SNTG1: variants seen among roughly 807,000 people sequenced by gnomAD.
SNTG1 encodes the protein gamma-1-syntrophin.
SNTG1 carries 39 observed loss-of-function variants against 74.7 expected under a neutral mutation model. That is an observed-to-expected ratio of 0.52 (90% CI 0.40 to 0.68). The LOEUF (loss-of-function observed/expected upper bound fraction) is 0.68, where lower values mean the gene tolerates loss of function less well. SNTG1 is among the 30% of genes least tolerant of loss of function. The pLI is 0.00. For synonymous variants in SNTG1, 254 were observed against 217.1 expected, an observed-to-expected ratio of 1.17 and a Z score of -1.49; for missense variants, 685 against 609.5, an observed-to-expected ratio of 1.12 and a Z score of -1.30.
intron 2 of SNTG1, among the ~76,000 whole-genome samples, chr8:50,211,798 A>C (rs2084534646): frequency 6.6e-6 from 1 of 152,156 alleles, no homozygotes; most frequent in African/African-American, 2.4e-5. Context: ...GAAGGTTTAC[A>C]TTTGACAGTA....
chr8:50,175,216 G>A (rs1464136470), intron 2 of SNTG1, among the ~76,000 whole-genome samples: 2 of 151,984 alleles, frequency 1.3e-5, no homozygotes, highest in African/African-American at 4.8e-5. Context: ...ATAGTCCTTT[G>A]GGTATATACC....
chr8:50,728,498 C>G (rs1161225444), intron 17 of SNTG1, among the ~76,000 whole-genome samples: 1 of 152,128 alleles, frequency 6.6e-6, no homozygotes, highest in Non-Finnish European at 1.5e-5. Flanking sequence ...ATTAATGCCT[C>G]TTTGGGGTGA....
chr8:50,477,224 G>C (rs963549844), intron 8 of SNTG1, among the ~76,000 whole-genome samples: 1 of 152,058 alleles, frequency 6.6e-6, no homozygotes, highest in Non-Finnish European at 1.5e-5. Flanking sequence ...AGTATGAAAA[G>C]GAGGGGTGGG....
rs763524919 is a variant in SNTG1, at chr8:50,553,056, T to C, written c.687T>C (p.Asn229=). 4 of 1,613,720 alleles carry C rather than the reference T, an allele frequency of 2.5e-6. No individual in the cohort carries two copies. The East Asian group carries it at 6.7e-5, about 27-fold the overall frequency. ...YVPGTDLSRQ[N]AFQVIAVDGV... ...TTGTTCTGAACATCTGCAGGCAGAA[T>C]GCCTTTCAAGTCATTGCTGTGGATG... Residue 229 remains asparagine, a synonymous_variant, in exon 12 of 19, where the codon AAT becomes AAC. Transcript: ENST00000642720.
intron 1 of SNTG1, among the ~76,000 whole-genome samples, chr8:50,129,995 A>T (rs1168992806): frequency 6.6e-6 from 1 of 152,130 alleles, no homozygotes; most frequent in East Asian, 1.9e-4. Flanking sequence ...TTAAGGACAT[A>T]AAATTCAAGT....
intron 1 of SNTG1, among the ~76,000 whole-genome samples, chr8:49,993,244 G>A (rs145051556): frequency 6.6e-5 from 10 of 152,052 alleles, no homozygotes; most frequent in Admixed American, 2.0e-4. Context: ...GGGCCAAAGC[G>A]GGAGGGGGGC....
chr8:50,725,841 A>G (rs1276371402), intron 17 of SNTG1, among the ~76,000 whole-genome samples: 2 of 152,180 alleles, frequency 1.3e-5, no homozygotes, highest in Non-Finnish European at 2.9e-5. Flanking sequence ...GTTTGATATA[A>G]ATTTTGACCA....
intron 12 of SNTG1, among the ~76,000 whole-genome samples, chr8:50,566,684 T>A (rs972694225): frequency 1.5e-4 from 23 of 151,406 alleles, no homozygotes; most frequent in African/African-American, 5.6e-4. Context: ...CTCCATTGTT[T>A]AATCAATCAA....
chr8:50,627,675 T>G lies in SNTG1; in HGVS notation c.850-29234T>G, dbSNP rs183392849. On this transcript the variant is annotated intron_variant, in intron 13 of 18. Transcript: ENST00000642720. ...GGTTTGATTAATTTGCTAGAGCAGC[T>G]CCCAGAATGCAGGAAACATTTTACT... 2.8e-3 allele frequency among the ~76,000 whole-genome samples: 427 copies of G among 152,256 alleles called. 3 individuals are homozygous for G. The highest frequency in any genetic ancestry group is 9.2e-3 in the African/African-American group (382 of 41,554).
chr8:49,988,519 T>C (rs1813384866), intron 1 of SNTG1, among the ~76,000 whole-genome samples: 1 of 152,046 alleles, frequency 6.6e-6, no homozygotes, highest in Non-Finnish European at 1.5e-5. Flanking sequence ...CAATCAATAA[T>C]TGAAATGAAA....
chr8:50,094,653 G>C (rs2079861632), intron 1 of SNTG1, among the ~76,000 whole-genome samples: 1 of 152,088 alleles, frequency 6.6e-6, no homozygotes, highest in Admixed American at 6.6e-5. Flanking sequence ...CACCAAATCA[G>C]AATGGCTATG....
chr8:50,120,220 C>G (rs932380684), intron 1 of SNTG1, among the ~76,000 whole-genome samples: 2 of 140,896 alleles, frequency 1.4e-5, no homozygotes. Context: ...TGAATAATGC[C>G]TGACCCTTAG....
chr8:50,143,813 G>A (rs914590806), intron 1 of SNTG1, among the ~76,000 whole-genome samples: 3 of 152,192 alleles, frequency 2.0e-5, no homozygotes, highest in African/African-American at 7.2e-5. Context: ...ATAATGGGGA[G>A]TAACATATTA....
intron 2 of SNTG1, among the ~76,000 whole-genome samples, chr8:50,390,532 G>A (rs1420827859): frequency 1.3e-5 from 2 of 152,152 alleles, no homozygotes; most frequent in Non-Finnish European, 2.9e-5. Flanking sequence ...TTTTGGCTTA[G>A]GATTGACTTG....
At chr8:50,053,238 T>C (rs1364987090) in intron 1 of SNTG1, among the ~76,000 whole-genome samples, 1 of 152,136 alleles carries the variant, frequency 6.6e-6, no homozygotes. Flanking sequence ...AAGGGAATAG[T>C]CTTTGTCAAT....
At chr8:50,265,360 A>T (rs1044708436) in intron 2 of SNTG1, among the ~76,000 whole-genome samples, 17 of 152,106 alleles carry the variant, frequency 1.1e-4, no homozygotes, top group African/African-American at 4.1e-4. Context: ...TATTATTGGA[A>T]TAACTGGAAA....
At chr8:50,442,623 C>T (rs377315288) in intron 5 of SNTG1, among the ~76,000 whole-genome samples, 12 of 145,468 alleles carry the variant, frequency 8.2e-5, no homozygotes, top group African/African-American at 3.1e-4. Flanking sequence ...GTTAAAACAT[C>T]TCTCAGAAAT....
intron 15 of SNTG1, among the ~76,000 whole-genome samples, chr8:50,670,106 G>A (rs2095272463): frequency 6.6e-6 from 1 of 152,124 alleles, no homozygotes; most frequent in Non-Finnish European, 1.5e-5. Flanking sequence ...GCAAAAACTG[G>A]AAGCATTCCC....
chr8:49,948,994 G>C (rs578006303), intron 1 of SNTG1, among the ~76,000 whole-genome samples: 1 of 152,298 alleles, frequency 6.6e-6, no homozygotes, highest in African/African-American at 2.4e-5. Flanking sequence ...CCACAGGAGA[G>C]GTGCACCGAT....
Sources: gnomAD v4.1 joint callset for allele counts (sites outside exome capture counted in the v4.1 genomes callset) on GRCh38, gnomAD v4.1.1 for gene constraint, MANE v1.5 for transcripts, NCBI Gene and HGNC (gene_info 2026-07-23, HGNC 2026-07-21) for gene names.